ATG2B: variants seen among roughly 807,000 people sequenced by gnomAD.
The protein encoded by ATG2B is autophagy related 2B.
ATG2B carries 121 observed loss-of-function variants against 241.3 expected under a neutral mutation model. The ratio of observed to expected loss-of-function variants is 0.50; its 90% CI spans 0.43 to 0.58. The LOEUF is 0.58. Ranked by LOEUF, ATG2B falls within the 20% of genes least tolerant of loss-of-function variation. The pLI, the probability that ATG2B is intolerant of heterozygous loss-of-function variation, is 0.00. For missense variants in ATG2B, 2,306 were observed against 2,491.6 expected (o/e 0.93, Z 1.59); for synonymous variants, 858 against 876.6 (o/e 0.98, Z 0.37).
In ATG2B at chr14:96,283,673, C is replaced by G. The variant is rs531337022; in HGVS notation, c.*2082G>C. The stretch of plus-strand genomic sequence containing the variant: ...TACTGTGTCATCACAACACCAAAGT[C>G]TGAAAAGACACTTGTAAAAAAGAAA... On this transcript the variant is annotated 3_prime_UTR_variant, in exon 42 of 42. Transcript: ENST00000359933. The G allele has an allele frequency of 2.6e-5, 4 of 152,268 alleles. No individual in the cohort carries two copies. The highest frequency in any genetic ancestry group is 9.6e-5 in the African/African-American group (4 of 41,562). 9.4% of individuals were successfully genotyped at this position (152,268 alleles called of 1,614,324 possible).
At chr14:96,292,121 G>A in intron 36 of ATG2B, 23 bp from the exon 37 acceptor site, 3 of 1,504,018 alleles carry the variant, frequency 2.0e-6, no homozygotes, top group South Asian at 2.5e-5. Context: ...GAAGGAGGGA[G>A]TTATTTACAT....
At position 96,334,492 on chromosome 14, in the gene ATG2B, C is replaced by T; in HGVS notation, c.934G>A (p.Asp312Asn). The T allele has an allele frequency of 6.3e-7, 1 of 1,585,324 alleles. No homozygotes were observed. The highest frequency in any genetic ancestry group is 1.2e-5 in the South Asian group (1 of 86,108). The stretch of plus-strand genomic sequence containing the variant: ...AGATGAATAGAGTCTATCTGTCCAT[C>T]AACATCCAACTTAAGGGAAAAAAAA... ...EVLPGAKLDV[D>N]GQIDSIHLLL... Residue 312 changes from aspartate (D) to asparagine (N), a missense_variant, in exon 7 of 42, where the codon GAT (aspartate) becomes AAT (asparagine). Physicochemically the swap from Asp to Asn is conservative, Grantham distance 23 (BLOSUM62 1). Transcript: ENST00000359933.
chr14:96,311,392 G>A, intron 27 of ATG2B, 105 bp from the exon 28 acceptor site: 6 of 1,232,660 alleles, frequency 4.9e-6, no homozygotes, highest in East Asian at 2.5e-5. Context: ...AATCTGTCTC[G>A]CTACATAAAA....
chr14:96,305,843 C>A, intron 30 of ATG2B, 28 bp from the exon 31 acceptor site: 1 of 1,557,816 alleles, frequency 6.4e-7, no homozygotes, highest in Non-Finnish European at 8.8e-7. Flanking sequence ...GTAACACATA[C>A]TCTCTTTTCT....
In ATG2B at chr14:96,317,734, C is replaced by G. The variant is rs985379321; in HGVS notation, c.3001G>C (p.Asp1001His). ...GCAGATTTAAATGCACTAAAACTATCTTTGTTGAAAGTATTAATGAGCTGA... is the reference window on the plus strand; with the variant it reads ...GCAGATTTAAATGCACTAAAACTATGTTTGTTGAAAGTATTAATGAGCTGA... ...ASQLINTFNK[D>H]SFSAFKSAVH... is the part of the protein sequence containing the mutation. Residue 1001 changes from aspartate (D) to histidine (H), a missense_variant, in exon 19 of 42, where the codon GAT (aspartate) becomes CAT (histidine). This residue lies in a region of ATG2B where 1,927 missense variants were observed against 2,011.2 expected (regional missense o/e 0.96). Coordinates refer to ENST00000359933, the MANE Select transcript of ATG2B (RefSeq NM_018036.7). 6.2e-7 allele frequency: 1 copy of G among 1,611,590 alleles called. No homozygotes were observed. Among genetic ancestry groups the G allele is most frequent in the African/African-American group, 1.3e-5 (1 of 74,982 alleles).
chr14:96,296,987 A>T (rs1886659953), intron 34 of ATG2B, among the ~76,000 whole-genome samples: 1 of 152,156 alleles, frequency 6.6e-6, no homozygotes, highest in African/African-American at 2.4e-5. Flanking sequence ...GGACTGCAGC[A>T]CAAGCAGGTG....
intron 41 of ATG2B, among the ~76,000 whole-genome samples, chr14:96,287,005 C>G (rs1006411269): frequency 6.6e-6 from 1 of 152,066 alleles, no homozygotes; most frequent in Non-Finnish European, 1.5e-5. Context: ...CCTGTAATCT[C>G]AGCACTTTAG....
rs764080345 is a variant in ATG2B, at chr14:96,303,048, G to A, written c.5037+13C>T. On this transcript the variant is annotated intron_variant, in intron 33 of 41. Transcript: ENST00000359933. ...CAAAACTAACATAACACAACGATGA[G>A]GTTAACTCTTACCATGTTGGAGTGA... 6.5e-7 allele frequency: 1 copy of A among 1,539,738 alleles called. No individual in the cohort carries two copies. The highest frequency in any genetic ancestry group is 2.4e-5 in the East Asian group (1 of 41,932).
At chr14:96,302,168 T>C in intron 33 of ATG2B, 60 bp from the exon 34 acceptor site, 1 of 1,048,490 alleles carries the variant, frequency 9.5e-7, no homozygotes, top group Non-Finnish European at 1.4e-6. Context: ...TTCTTCTCTT[T>C]AAAAATAAGA....
At chr14:96,303,744 A>G (rs920214936) in intron 32 of ATG2B, among the ~76,000 whole-genome samples, 1 of 152,196 alleles carries the variant, frequency 6.6e-6, no homozygotes, top group African/African-American at 2.4e-5. Context: ...ATGTCTGTGG[A>G]TAAGGGGGAC....
At chr14:96,337,874 A>T (rs550782740) in intron 6 of ATG2B, among the ~76,000 whole-genome samples, 4 of 152,146 alleles carry the variant, frequency 2.6e-5, no homozygotes, top group African/African-American at 9.6e-5. Flanking sequence ...CAGTATGGTC[A>T]TTTTCACAAA....
chr14:96,331,583 C>G lies in ATG2B; in HGVS notation c.1523G>C (p.Arg508Thr). ...VDESRPELIF[R>T]LAVGTFSISV... ...GATTGAAAAAGTTCCCACAGCTAGT[C>G]TAAAAATAAGTTCAGGCCTTGATTC... The change falls in exon 11 of 42, where the codon AGA (arginine) becomes ACA (threonine). Residue 508 changes from arginine (R) to threonine (T), a missense_variant. Arg to Thr is a moderately conservative substitution (Grantham distance 71). Around this residue, in one of 2 missense-constraint regions of ATG2B, gnomAD observed 1,927 missense variants for 2,011.2 expected, o/e 0.96. Coordinates refer to ENST00000359933, the MANE Select transcript of ATG2B (RefSeq NM_018036.7). The G allele has an allele frequency of 1.2e-6, 2 of 1,613,870 alleles. No homozygotes were observed. The highest frequency in any genetic ancestry group is 1.7e-6 in the Non-Finnish European group (2 of 1,179,908).
Position 96,345,399 on chromosome 14 carries a change from A to G in ATG2B, c.326-14T>C. Reference sequence around the variant, plus strand: ...CAGAACCAGTTGCTGTGGAAAATATAAATTAATCCTAAATAATTTCTTAAG... The same window carrying G: ...CAGAACCAGTTGCTGTGGAAAATATGAATTAATCCTAAATAATTTCTTAAG... On this transcript the variant is annotated splice_polypyrimidine_tract_variant and intron_variant, in intron 2 of 41. Coordinates refer to ENST00000359933, the MANE Select transcript of ATG2B (RefSeq NM_018036.7). The G allele has an allele frequency of 6.4e-7, 1 of 1,574,586 alleles. No homozygotes were observed. Among genetic ancestry groups the G allele is most frequent in the Non-Finnish European group, 8.6e-7 (1 of 1,164,436 alleles).
intron 35 of ATG2B, among the ~76,000 whole-genome samples, 154 bp from the exon 36 acceptor site, chr14:96,295,321 A>G (rs540470904): frequency 6.6e-6 from 1 of 152,350 alleles, no homozygotes; most frequent in East Asian, 1.9e-4. Context: ...TTAAATTATT[A>G]CTTTTATATA....
intron 7 of ATG2B, 59 bp from the exon 8 acceptor site, chr14:96,333,932 T>A: frequency 1.3e-6 from 2 of 1,493,742 alleles, no homozygotes; most frequent in Non-Finnish European, 1.9e-6. Context: ...ATTAAGCATT[T>A]CTTTCCCAAA....
chr14:96,338,812 T>C (rs1452663680), intron 6 of ATG2B, among the ~76,000 whole-genome samples: 1 of 152,016 alleles, frequency 6.6e-6, no homozygotes, highest in Non-Finnish European at 1.5e-5. Flanking sequence ...AAGCTTCTGC[T>C]CAGCAAAAGA....
rs375218155 is a variant in ATG2B at position 96,309,461 on chromosome 14, T to C, written c.4295A>G (p.Gln1432Arg). 5.6e-6 allele frequency: 9 copies of C among 1,613,736 alleles called. No homozygotes were observed. Among genetic ancestry groups the C allele is most frequent in the Non-Finnish European group, 6.8e-6 (8 of 1,179,842 alleles). ...MQQGTSSVKP[Q>R]ANGVLDEKSQ... ...AAGAGTCCTGGTCTTACCATTAGCCTGTGGTTTTACTGACGAGGTGCCTTG... is the reference window on the plus strand; with the variant it reads ...AAGAGTCCTGGTCTTACCATTAGCCCGTGGTTTTACTGACGAGGTGCCTTG... The change falls in exon 29 of 42, where the codon CAG (glutamine) becomes CGG (arginine). Residue 1432 changes from glutamine to arginine, a missense_variant. This residue lies in a region of ATG2B where 1,927 missense variants were observed against 2,011.2 expected (regional missense o/e 0.96). Coordinates refer to ENST00000359933, the MANE Select transcript of ATG2B (RefSeq NM_018036.7).
At chr14:96,294,847 G>T in intron 36 of ATG2B, 113 bp downstream of exon 36, 1 of 842,932 alleles carries the variant, frequency 1.2e-6, no homozygotes, top group Non-Finnish European at 1.8e-6. Flanking sequence ...CTGATGATTT[G>T]GCAGTGCAAA....
intron 18 of ATG2B, among the ~76,000 whole-genome samples, chr14:96,320,427 C>T (rs1887429603): frequency 6.6e-6 from 1 of 151,804 alleles, no homozygotes; most frequent in African/African-American, 2.4e-5. Context: ...TTTTTCACTT[C>T]ACTTTAAAGA....
Sources: allele counts gnomAD v4.1 joint callset (sites outside exome capture counted in the v4.1 genomes callset), GRCh38; gene constraint gnomAD v4.1.1; regional missense constraint gnomAD v4.1.1; transcripts MANE v1.5; gene names NCBI Gene and HGNC (gene_info 2026-07-23, HGNC 2026-07-21).